Variants in SLCO3A1 observed in about 807,000 individuals in gnomAD.
SLCO3A1 encodes the protein PGE1 transporter.
Under a neutral mutation model 63.1 loss-of-function variants are expected in SLCO3A1, and 27 were observed. That is an observed-to-expected ratio of 0.43 (90% CI 0.32 to 0.59). The LOEUF is 0.59. Ranked by LOEUF, SLCO3A1 falls within the 20% of genes least tolerant of loss-of-function variation. The pLI is 0.09. For synonymous variants in SLCO3A1, 473 were observed against 409.9 expected (o/e 1.15, Z -1.86); for missense variants, 773 against 945.8 (o/e 0.82, Z 2.40).
At chr15:91,890,441 C>G (rs1271416676) in intron 1 of SLCO3A1, among the ~76,000 whole-genome samples, 5 of 152,178 alleles carry the variant, frequency 3.3e-5, no homozygotes, top group African/African-American at 9.7e-5. Flanking sequence ...CTTACAGAGA[C>G]CTTGATACCT....
chr15:91,891,044 A>G (rs189643750), intron 1 of SLCO3A1, among the ~76,000 whole-genome samples: 39 of 152,294 alleles, frequency 2.6e-4, no homozygotes, highest in African/African-American at 9.4e-4. Flanking sequence ...ACCGAGTCAA[A>G]TACTATTTTA....
At chr15:92,130,044 A>G (rs2047973734) in intron 7 of SLCO3A1, among the ~76,000 whole-genome samples, 1 of 152,262 alleles carries the variant, frequency 6.6e-6, no homozygotes, top group East Asian at 1.9e-4. Flanking sequence ...ATATCCAGAA[A>G]GTTACATTAT....
At chr15:91,957,233 C>A (rs764924081) in intron 2 of SLCO3A1, among the ~76,000 whole-genome samples, 1 of 131,936 alleles carries the variant, frequency 7.6e-6, no homozygotes, top group Non-Finnish European at 1.5e-5. Flanking sequence ...TCATATGATC[C>A]GCTGGCTAGG....
chr15:92,113,302 T>C (rs947918367), intron 4 of SLCO3A1, among the ~76,000 whole-genome samples: 4 of 151,978 alleles, frequency 2.6e-5, no homozygotes, highest in Non-Finnish European at 4.4e-5. Flanking sequence ...TTAAACTGGC[T>C]AATGGGCAGC....
chr15:92,079,350 G>A (rs933449393), intron 2 of SLCO3A1, among the ~76,000 whole-genome samples: 3 of 152,186 alleles, frequency 2.0e-5, no homozygotes, highest in African/African-American at 7.2e-5. Context: ...CCATAGACTG[G>A]GTGGCTTCAA....
downstream of SLCO3A1, among the ~76,000 whole-genome samples, chr15:92,168,378 A>C (rs1056281876): frequency 6.6e-6 from 1 of 152,220 alleles, no homozygotes; most frequent in African/African-American, 2.4e-5. Context: ...GCCAAGTAGT[A>C]AACATTTTAG....
In SLCO3A1 at chr15:91,977,726, A is replaced by G. The variant is rs114015483; in HGVS notation, c.646+61268A>G. Among the ~76,000 whole-genome samples, 325 of 152,288 alleles carry G rather than the reference A, an allele frequency of 2.1e-3. 1 individual carries two copies. Among genetic ancestry groups the G allele is most frequent in the African/African-American group, 6.9e-3 (285 of 41,554 alleles). On this transcript the variant is annotated intron_variant, in intron 2 of 9. Transcript: ENST00000318445. ...CCACCACTAAAGAGCTAATCCAAAAAACACCTGTACCCCAAAAACTATCAA... is the reference window on the plus strand; with the variant it reads ...CCACCACTAAAGAGCTAATCCAAAAGACACCTGTACCCCAAAAACTATCAA...
chr15:91,972,966 C>T (rs1441336000), intron 2 of SLCO3A1, among the ~76,000 whole-genome samples: 1 of 152,172 alleles, frequency 6.6e-6, no homozygotes, highest in African/African-American at 2.4e-5. Context: ...ACTAAATATA[C>T]AAAAATCAGC....
intron 1 of SLCO3A1, among the ~76,000 whole-genome samples, chr15:91,895,211 C>CT (rs1897974271): frequency 6.6e-6 from 1 of 152,096 alleles, no homozygotes; most frequent in African/African-American, 2.4e-5. Context: ...GAACCCTGTG[C>CT]TAGTAACACA....
intron 1 of SLCO3A1, among the ~76,000 whole-genome samples, chr15:91,898,844 A>G (rs953389663): frequency 6.6e-6 from 1 of 152,216 alleles, no homozygotes; most frequent in Non-Finnish European, 1.5e-5. Flanking sequence ...TTAGGAAGAA[A>G]TGTCTAAAAA....
At chr15:92,025,382 G>A (rs1567073018) in intron 2 of SLCO3A1, among the ~76,000 whole-genome samples, 1 of 152,158 alleles carries the variant, frequency 6.6e-6, no homozygotes, top group Non-Finnish European at 1.5e-5. Flanking sequence ...TGAGAGAAAT[G>A]TATGGGGGAC....
chr15:92,148,737 A>G (rs1199241824), intron 8 of SLCO3A1: 1 of 152,244 alleles, frequency 6.6e-6, no homozygotes, highest in East Asian at 1.9e-4. Context: ...TACAAGAAGA[A>G]AAAAAGAAAG....
At chr15:91,990,195 G>A (rs941493844) in intron 2 of SLCO3A1, among the ~76,000 whole-genome samples, 15 of 152,174 alleles carry the variant, frequency 9.9e-5, no homozygotes, top group African/African-American at 1.7e-4. Flanking sequence ...TGTAGGGCAC[G>A]GAAAGGCAGC....
chr15:92,147,159 G>A lies in SLCO3A1; in HGVS notation c.1688G>A (p.Arg563Lys). The A allele has an allele frequency of 6.2e-7, 1 of 1,610,100 alleles. No homozygotes were observed. Among genetic ancestry groups the A allele is most frequent in the Non-Finnish European group, 8.5e-7 (1 of 1,177,928 alleles). Residue 563 changes from arginine to lysine, a missense_variant and splice_region_variant, in exon 8 of 10, where the codon AGG becomes AAG. Physicochemically the swap from Arg to Lys is conservative, Grantham distance 26 (BLOSUM62 2). Transcript: ENST00000318445. ...AQTPSVIILI[R>K]TVSPELKSYA... Reference sequence around the variant, plus strand: ...ACACCCTCAGTCATCATCCTCATCAGGTAAGCCCTCGGCACAGCCCCGCCT... The same window carrying A: ...ACACCCTCAGTCATCATCCTCATCAAGTAAGCCCTCGGCACAGCCCCGCCT...
rs975696405 is a variant in SLCO3A1 at position 91,916,771 on chromosome 15, T to C, written c.646+313T>C. ...TCTTTTTGAGTGCGTATGTGGACTT[T>C]GGGCTTTCTGATATTAGCCACCAAG... On this transcript the variant is annotated intron_variant, in intron 2 of 9. Transcript: ENST00000318445. The surrounding 1 kb of genome is among the most constrained non-coding windows in gnomAD (Gnocchi z 6.2). 6.6e-6 allele frequency among the ~76,000 whole-genome samples: 1 copy of C among 152,180 alleles called. No homozygotes were observed. Among genetic ancestry groups the C allele is most frequent in the South Asian group, 2.1e-4 (1 of 4,832 alleles).
intron 2 of SLCO3A1, among the ~76,000 whole-genome samples, chr15:91,992,327 C>G (rs1264079979): frequency 6.6e-6 from 1 of 152,208 alleles, no homozygotes; most frequent in Non-Finnish European, 1.5e-5. Context: ...AGCACTTCCA[C>G]CCAATATTTA....
At chr15:91,864,670 A>T in intron 1 of SLCO3A1, among the ~76,000 whole-genome samples, 1 of 152,132 alleles carries the variant, frequency 6.6e-6, no homozygotes, top group South Asian at 2.1e-4. Flanking sequence ...GGTGATTAAA[A>T]ATAGCTCAAG....
In SLCO3A1 at chr15:91,875,714, AG is replaced by A. The variant is rs1897383498; in HGVS notation, c.180+21628del. Among the ~76,000 whole-genome samples, 1 of 152,240 alleles carries A rather than the reference AG, an allele frequency of 6.6e-6. No individual in the cohort carries two copies. The highest frequency in any genetic ancestry group is 2.1e-4 in the South Asian group (1 of 4,836). On this transcript the variant is annotated intron_variant, in intron 1 of 9. Transcript: ENST00000318445. This position sits in a 1 kb window ranked among gnomAD's most constrained non-coding sequence, Gnocchi z 4.5. ...GAGAAACACAGGATGACTGAAAATCAGGTAATAAACATGAAGCAGTGACAGT... is the reference window on the plus strand; with the variant it reads ...GAGAAACACAGGATGACTGAAAATCAGTAATAAACATGAAGCAGTGACAGT...
intron 7 of SLCO3A1, among the ~76,000 whole-genome samples, chr15:92,139,318 G>C (rs1473700828): frequency 6.7e-6 from 1 of 148,904 alleles, no homozygotes; most frequent in Non-Finnish European, 1.5e-5. Flanking sequence ...GCATCCCAGG[G>C]ATGAAGCCCA....
Sources: gnomAD v4.1 joint callset for allele counts (sites outside exome capture counted in the v4.1 genomes callset) on GRCh38, gnomAD v4.1.1 for gene constraint, Gnocchi (gnomAD v3.1) non-coding constraint, MANE v1.5 for transcripts, NCBI Gene and HGNC (gene_info 2026-07-23, HGNC 2026-07-21) for gene names.